Variants in ZNF718 observed in about 807,000 individuals in gnomAD.
ZNF718 encodes the protein zinc finger protein 718.
A neutral mutation model predicts 2.6 loss-of-function variants in ZNF718; 3 were observed. The observed-to-expected ratio is 1.16, with a 90% confidence interval of 0.53 to 3.01. ZNF718 has a LOEUF of 3.01. Among genes scored for constraint, ZNF718 ranks in the 30% most tolerant of loss-of-function variants. The pLI is 0.03. For missense variants in ZNF718, 468 were observed against 230.0 expected, an observed-to-expected ratio of 2.03 and a Z score of -6.69; for synonymous variants, 135 against 77.9, an observed-to-expected ratio of 1.73 and a Z score of -3.86.
chr4:199,795 A>T (rs915976911), intron 3 of ZNF718, among the ~76,000 whole-genome samples: 3 of 152,114 alleles, frequency 2.0e-5, no homozygotes, highest in African/African-American at 7.2e-5. Flanking sequence ...CCACCCCATG[A>T]TGGTGCTTGT....
rs62638701 is a variant in ZNF718 at position 161,515 on chromosome 4, A to G, written c.830A>G (p.His277Arg). 1.6e-4 allele frequency: 122 copies of G among 780,850 alleles called. 1 individual carries two copies. The African/African-American group carries it at 1.6e-3, about 10-fold the overall frequency. 48.4% of individuals were successfully genotyped at this position (780,850 alleles called of 1,614,324 possible). A position where few individuals can be genotyped will look rare whatever the true frequency, so the allele number is the denominator to read the frequency against. Residue 277 changes from histidine to arginine, a missense_variant, in exon 4 of 4, where the codon CAT becomes CGT. His to Arg is a conservative substitution (Grantham distance 29). Coordinates refer to ENST00000510175, the MANE Select transcript of ZNF718 (RefSeq NM_001039127.6). ...ACCCTTAATTTACATAAGAGAATTC[A>G]TTCTGCACAAAAATACTACAAATGT... ...SSTLNLHKRI[H>R]SAQKYYKCEE...
intron 3 of ZNF718, among the ~76,000 whole-genome samples, chr4:172,409 T>G (rs930595063): frequency 6.6e-6 from 1 of 152,242 alleles, no homozygotes; most frequent in Admixed American, 6.5e-5. Context: ...TACATTTGTG[T>G]TAAAGCATGT....
chr4:200,403 G>A (rs542098783), intron 3 of ZNF718, among the ~76,000 whole-genome samples: 154 of 152,212 alleles, frequency 1.0e-3, no homozygotes, highest in Admixed American at 9.8e-4. Flanking sequence ...CAAGTAGCTG[G>A]GATTACAGGC....
chr4:131,836 G>A (rs1244863235), intron 3 of ZNF718, among the ~76,000 whole-genome samples: 1 of 97,200 alleles, frequency 1.0e-5, no homozygotes, highest in Non-Finnish European at 2.3e-5. Flanking sequence ...ATGAGGTCAG[G>A]AGATCGAGAC....
intron 3 of ZNF718, among the ~76,000 whole-genome samples, chr4:170,634 T>C (rs560716188): frequency 1.3e-5 from 2 of 152,332 alleles, no homozygotes; most frequent in East Asian, 3.9e-4. Context: ...TTCCAGTTGA[T>C]TGAATCAGCT....
Position 162,001 on chromosome 4 carries a change from A to G in ZNF718, c.1316A>G (p.Asn439Ser), listed in dbSNP as rs1553815517. ...GCCTTTAAACAGTCCTCACACTTGA[A>G]TAAACATAAGAAAATTCACACTGTA... is the stretch of plus-strand genomic sequence containing the variant. ...GKAFKQSSHLNKHKKIHTVDK... is the reference protein window; with the variant it reads ...GKAFKQSSHLSKHKKIHTVDK... The change falls in exon 4 of 4, where the codon AAT becomes AGT. Residue 439 changes from asparagine to serine, a missense_variant. Physicochemically the swap from Asn to Ser is conservative, Grantham distance 46. Coordinates refer to ENST00000510175, the MANE Select transcript of ZNF718 (RefSeq NM_001039127.6). 1.3e-6 allele frequency: 1 copy of G among 779,418 alleles called. No homozygotes were observed. 48.3% of individuals were successfully genotyped at this position (779,418 alleles called of 1,614,324 possible).
chr4:147,924 G>A (rs537964751), intron 3 of ZNF718, among the ~76,000 whole-genome samples: 31 of 152,136 alleles, frequency 2.0e-4, no homozygotes, highest in Admixed American at 9.2e-4. Flanking sequence ...ATGTTATCTG[G>A]TGTGACTCCT....
chr4:186,940 C>T (rs1462359718), intron 3 of ZNF718, among the ~76,000 whole-genome samples: 1 of 152,172 alleles, frequency 6.6e-6, no homozygotes, highest in African/African-American at 2.4e-5. Flanking sequence ...CAGTTCTGAA[C>T]TCTTGTTGGA....
intron 3 of ZNF718, among the ~76,000 whole-genome samples, chr4:195,085 G>A (rs1032728930): frequency 6.6e-6 from 1 of 152,188 alleles, no homozygotes; most frequent in African/African-American, 2.4e-5. Context: ...GTGCTCAGGG[G>A]TGAGTCCTAG....
At chr4:144,524 T>G (rs1427999033) in intron 3 of ZNF718, among the ~76,000 whole-genome samples, 12 of 152,218 alleles carry the variant, frequency 7.9e-5, no homozygotes, top group African/African-American at 2.2e-4. Context: ...TATAAGATTG[T>G]TTTTCCTATT....
In ZNF718 at chr4:162,354, C is replaced by T. The variant is rs1716930746; in HGVS notation, c.*232C>T. The T allele has an allele frequency of 2.6e-6, 1 of 391,162 alleles. No homozygotes were observed. Among genetic ancestry groups the T allele is most frequent in the African/African-American group, 2.0e-5 (1 of 49,214 alleles). 24.2% of individuals were successfully genotyped at this position (391,162 alleles called of 1,614,324 possible). On this transcript the variant is annotated 3_prime_UTR_variant, in exon 4 of 4. Coordinates refer to ENST00000510175, the MANE Select transcript of ZNF718 (RefSeq NM_001039127.6). Reference sequence around the variant, plus strand: ...TGAATATAATTCTTACTGCAGAAAACCCCTAGGAATATTAAAAGTGTGGCA... The same window carrying T: ...TGAATATAATTCTTACTGCAGAAAATCCCTAGGAATATTAAAAGTGTGGCA...
At chr4:136,576 C>A (rs1715582963) in intron 3 of ZNF718, among the ~76,000 whole-genome samples, 1 of 152,218 alleles carries the variant, frequency 6.6e-6, no homozygotes, top group Non-Finnish European at 1.5e-5. Flanking sequence ...TTCCAAATAT[C>A]CCTACTTGAT....
rs1221090019 is a variant in ZNF718 at position 163,155 on chromosome 4, A to G, written c.*1033A>G. The G allele has an allele frequency of 6.6e-6, 1 of 151,926 alleles. No homozygotes were observed. Among genetic ancestry groups the G allele is most frequent in the African/African-American group, 2.4e-5 (1 of 41,366 alleles). The allele number at this position is 151,926 out of a possible 1,614,324, so 9.4% of individuals were successfully genotyped here. A position where few individuals can be genotyped will look rare whatever the true frequency, so the allele number is the denominator to read the frequency against. Reference sequence around the variant, plus strand: ...GATGAATTGTTGCATCAGAGGTATGAGTGATTCTTTTTAGGTGGGCATCAT... The same window carrying G: ...GATGAATTGTTGCATCAGAGGTATGGGTGATTCTTTTTAGGTGGGCATCAT... On this transcript the variant is annotated 3_prime_UTR_variant, in exon 4 of 4. Coordinates refer to ENST00000510175, the MANE Select transcript of ZNF718 (RefSeq NM_001039127.6).
intron 3 of ZNF718, among the ~76,000 whole-genome samples, chr4:191,553 A>G (rs1012938121): frequency 2.0e-5 from 3 of 152,154 alleles, no homozygotes; most frequent in South Asian, 2.1e-4. Flanking sequence ...AAATCACTAT[A>G]AATCAGTGAG....
rs888700992 is a variant in ZNF718, at chr4:137,193, A to G, written c.226+5688A>G. Among the ~76,000 whole-genome samples the G allele has an allele frequency of 6.6e-5, 10 of 152,128 alleles. No homozygotes were observed. The East Asian group carries it at 7.7e-4, about 12-fold the overall frequency. ...GGCCTCTCTAGAAACAGAAGCTGCT[A>G]TGCTTCCTGTACAGCCTGCAGAACC... is the stretch of plus-strand genomic sequence containing the variant. On this transcript the variant is annotated intron_variant, in intron 3 of 3. Coordinates refer to ENST00000510175, the MANE Select transcript of ZNF718 (RefSeq NM_001039127.6).
chr4:186,074 G>C (rs998312312), intron 3 of ZNF718, among the ~76,000 whole-genome samples: 2 of 152,002 alleles, frequency 1.3e-5, no homozygotes, highest in Non-Finnish European at 2.9e-5. Context: ...TTGTTTATGT[G>C]GTTGCTTCAT....
At chr4:188,391 TC>T (rs1717613947) in intron 3 of ZNF718, among the ~76,000 whole-genome samples, 1 of 152,162 alleles carries the variant, frequency 6.6e-6, no homozygotes, top group South Asian at 2.1e-4. Context: ...GGCCTGGCCC[TC>T]CCCCAGGGGC....
chr4:142,784 G>T (rs1487879776), intron 3 of ZNF718, among the ~76,000 whole-genome samples: 1 of 152,212 alleles, frequency 6.6e-6, no homozygotes, highest in African/African-American at 2.4e-5. Context: ...TAGAAATTCA[G>T]TGGTAGGGGA....
chr4:151,290 G>T (rs754084928), intron 3 of ZNF718, among the ~76,000 whole-genome samples: 1 of 151,296 alleles, frequency 6.6e-6, no homozygotes, highest in African/African-American at 2.4e-5. Context: ...TATTTTAGTA[G>T]AGACGGGGTT....
Sources: allele counts gnomAD v4.1 joint callset (sites outside exome capture counted in the v4.1 genomes callset), GRCh38; gene constraint gnomAD v4.1.1; transcripts MANE v1.5; gene names NCBI Gene and HGNC (gene_info 2026-07-23, HGNC 2026-07-21).